The following RTN4 variants were observed in gnomAD, a reference collection of about 807,000 sequenced individuals.
RTN4 encodes reticulon 4.
RTN4 carries 32 observed loss-of-function variants against 90.4 expected under a neutral mutation model. That is an observed-to-expected ratio of 0.35 (90% CI 0.27 to 0.48). The LOEUF is 0.48. Ranked by LOEUF, RTN4 falls within the 20% of genes least tolerant of loss-of-function variation. The pLI is 0.99. For missense variants in RTN4, 1,706 were observed against 1,430.2 expected (o/e 1.19, Z -3.11); for synonymous variants, 629 against 552.5 (o/e 1.14, Z -1.94).
chr2:55,111,633 C>A (rs1668039557), intron 1 of RTN4, among the ~76,000 whole-genome samples: 1 of 152,144 alleles, frequency 6.6e-6, no homozygotes, highest in Non-Finnish European at 1.5e-5. Flanking sequence ...TAAGGACCCA[C>A]TCAGGAGGGT....
rs1681947837 is a variant in RTN4 at position 55,027,054 on chromosome 2, C to T, written c.1045G>A (p.Ala349Thr). 10 of 1,613,258 alleles carry T rather than the reference C, an allele frequency of 6.2e-6. No individual in the cohort carries two copies. In the East Asian group the frequency reaches 2.0e-4, roughly 32 times the overall value. Reference protein sequence around the residue: ...ILHNQQELPTALTKLVKEDEV... With the variant: ...ILHNQQELPTTLTKLVKEDEV... ...TCCTCTTTAACCAATTTAGTAAGAGCTGTAGGTAACTCTTGTTGATTATGA... is the reference window on the plus strand; with the variant it reads ...TCCTCTTTAACCAATTTAGTAAGAGTTGTAGGTAACTCTTGTTGATTATGA... The change falls in exon 3 of 9, where the codon GCT (alanine) becomes ACT (threonine). Residue 349 changes from alanine to threonine, a missense_variant. Coordinates refer to ENST00000337526, the MANE Select transcript of RTN4 (RefSeq NM_020532.5).
At chr2:54,986,116 C>T (rs1264156329) in intron 4 of RTN4, among the ~76,000 whole-genome samples, 1 of 152,148 alleles carries the variant, frequency 6.6e-6, no homozygotes, top group Admixed American at 6.5e-5. Context: ...GGGTACAAAA[C>T]TCTGGAAGGG....
At chr2:55,130,841 G>A in the RTN4 span, among the ~76,000 whole-genome samples, 1 of 152,180 alleles carries the variant, frequency 6.6e-6, no homozygotes, top group Non-Finnish European at 1.5e-5. Flanking sequence ...GAGCTGCCAT[G>A]AAGGGAGGTG....
the RTN4 span, among the ~76,000 whole-genome samples, chr2:55,134,899 A>G: frequency 3.9e-5 from 6 of 152,212 alleles, no homozygotes; most frequent in Non-Finnish European, 7.3e-5. Flanking sequence ...CTGCTGTCCA[A>G]CATAGTAGCC....
chr2:55,032,287 C>T (rs898742472), intron 1 of RTN4, among the ~76,000 whole-genome samples: 2 of 152,108 alleles, frequency 1.3e-5, no homozygotes, highest in Non-Finnish European at 2.9e-5. Flanking sequence ...CTACGTTGGC[C>T]AAGCTGGTCT....
upstream of RTN4, among the ~76,000 whole-genome samples, chr2:55,114,659 A>G (rs1233877973): frequency 6.6e-6 from 1 of 152,216 alleles, no homozygotes; most frequent in Admixed American, 6.5e-5. Context: ...AGATTGCGGC[A>G]CTGCACTCCA....
rs576978273 is a variant in RTN4 at position 54,998,254 on chromosome 2, A to T, written c.3014-10556T>A. The stretch of plus-strand genomic sequence containing the variant: ...CTTTTTTTGGGAGGGGGGTGAAGAA[A>T]ATGTCCTGGAAATAGATTTAAAACT... On this transcript the variant is annotated intron_variant, in intron 3 of 8. Transcript: ENST00000337526. Among the ~76,000 whole-genome samples the T allele has an allele frequency of 1.5e-3, 224 of 151,970 alleles. 1 individual carries two copies. The highest frequency in any genetic ancestry group is 1.5e-3 in the Non-Finnish European group (102 of 67,938).
chr2:55,004,166 CATG>C (rs1157129338), intron 3 of RTN4, among the ~76,000 whole-genome samples: 4 of 152,150 alleles, frequency 2.6e-5, no homozygotes, highest in African/African-American at 9.7e-5. Context: ...TACCTTCTTC[CATG>C]ATTAGTGTGA....
upstream of RTN4, among the ~76,000 whole-genome samples, chr2:55,052,317 T>C (rs954652678): frequency 4.6e-5 from 7 of 152,086 alleles, no homozygotes; most frequent in African/African-American, 1.7e-4. Context: ...GGGGCAGGAG[T>C]GAGAGTGTAT....
intron 2 of RTN4, among the ~76,000 whole-genome samples, chr2:55,071,250 G>T (rs1668507570): frequency 6.6e-6 from 1 of 151,692 alleles, no homozygotes; most frequent in Non-Finnish European, 1.5e-5. Flanking sequence ...AGTCATCCTG[G>T]GTCCTATTAC....
the RTN4 span, among the ~76,000 whole-genome samples, chr2:55,134,861 T>C: frequency 6.6e-6 from 1 of 152,180 alleles, no homozygotes; most frequent in Admixed American, 6.5e-5. Flanking sequence ...ACAATTCTGA[T>C]CGGGGCTTCA....
At chr2:54,992,580 ATAAT>A (rs1270858763) in intron 3 of RTN4, among the ~76,000 whole-genome samples, 2 of 152,226 alleles carry the variant, frequency 1.3e-5, no homozygotes, top group Non-Finnish European at 2.9e-5. Context: ...GTAGAGAACT[ATAAT>A]TAAGTTGTTG....
At chr2:55,107,692 G>A (rs1667967557) in intron 1 of RTN4, among the ~76,000 whole-genome samples, 1 of 152,090 alleles carries the variant, frequency 6.6e-6, no homozygotes, top group Non-Finnish European at 1.5e-5. Context: ...GATAAAGGGT[G>A]CCCTGGGCAT....
At chr2:55,033,878 G>C (rs1682502243) in intron 1 of RTN4, among the ~76,000 whole-genome samples, 1 of 152,020 alleles carries the variant, frequency 6.6e-6, no homozygotes, top group Non-Finnish European at 1.5e-5. Context: ...TTTTCTTTGT[G>C]TTAGAAACAT....
At position 54,972,379 on chromosome 2, in the gene RTN4, C is replaced by G. The variant is rs1241526800; in HGVS notation, c.*777G>C. 6.6e-6 allele frequency: 1 copy of G among 152,568 alleles called. No individual in the cohort carries two copies. The highest frequency in any genetic ancestry group is 1.5e-5 in the Non-Finnish European group (1 of 68,020). The allele number at this position is 152,568 out of a possible 1,614,324, so 9.5% of individuals were successfully genotyped here. A position where few individuals can be genotyped will look rare whatever the true frequency, so the allele number is the denominator to read the frequency against. ...AAGCATTAGATTCAGTCCATAGATTCTGTGACAAAATTAACTACAGTCAGT... is the reference window on the plus strand; with the variant it reads ...AAGCATTAGATTCAGTCCATAGATTGTGTGACAAAATTAACTACAGTCAGT... On this transcript the variant is annotated 3_prime_UTR_variant, in exon 9 of 9. Transcript: ENST00000337526.
intron 2 of RTN4, among the ~76,000 whole-genome samples, chr2:55,071,479 C>A (rs1359458835): frequency 6.8e-6 from 1 of 146,652 alleles, no homozygotes; most frequent in African/African-American, 2.5e-5. Context: ...GTGTTTGATG[C>A]CCTTTTCTAC....
At chr2:55,108,725 AG>A (rs1667986809) in intron 1 of RTN4, among the ~76,000 whole-genome samples, 1 of 152,114 alleles carries the variant, frequency 6.6e-6, no homozygotes, top group Non-Finnish European at 1.5e-5. Flanking sequence ...TTGGCACAAA[AG>A]TAATTGCGGT....
upstream of RTN4, chr2:55,050,965 C>G (rs569740377): frequency 6.6e-6 from 1 of 152,170 alleles, no homozygotes; most frequent in Non-Finnish European, 1.5e-5. This position sits in a 1 kb window ranked among gnomAD's most constrained non-coding sequence, Gnocchi z 4.6. Flanking sequence ...AGAAACCCGA[C>G]TGGAGAAAGG....
chr2:55,057,234 A>G (rs933220852), intron 2 of RTN4, among the ~76,000 whole-genome samples: 1 of 152,248 alleles, frequency 6.6e-6, no homozygotes, highest in Non-Finnish European at 1.5e-5. Flanking sequence ...AAGAAAGCCA[A>G]ATAGGGAAGA....
Sources: gnomAD v4.1 joint callset for allele counts (sites outside exome capture counted in the v4.1 genomes callset) on GRCh38, gnomAD v4.1.1 for gene constraint, Gnocchi (gnomAD v3.1) non-coding constraint, MANE v1.5 for transcripts, NCBI Gene and HGNC (gene_info 2026-07-23, HGNC 2026-07-21) for gene names.